The following PAK1 variants were observed in gnomAD, a reference collection of about 807,000 sequenced individuals.
The protein encoded by PAK1 is serine/threonine-protein kinase PAK 1.
PAK1 carries 29 observed loss-of-function variants against 67.4 expected under a neutral mutation model. That is an observed-to-expected ratio of 0.43 (90% CI 0.32 to 0.59). The LOEUF (loss-of-function observed/expected upper bound fraction) is 0.59, where lower values mean the gene tolerates loss of function less well. Among genes scored for constraint, PAK1 ranks in the 20% least tolerant of loss-of-function variants. PAK1 has a pLI of 0.07. For synonymous variants in PAK1, 223 were observed against 237.4 expected (o/e 0.94, Z 0.56); for missense variants, 337 against 670.7 (o/e 0.50, Z 5.50).
At chr11:77,336,324 T>C (rs1437140611) in intron 12 of PAK1, 42 bp from the exon 13 acceptor site, 2 of 1,465,384 alleles carry the variant, frequency 1.4e-6, no homozygotes, top group Non-Finnish European at 9.5e-7. Flanking sequence ...ATTTAGGATA[T>C]ACACTCACTT....
intron 12 of PAK1, among the ~76,000 whole-genome samples, chr11:77,336,974 C>T (rs984887045): frequency 2.6e-5 from 4 of 151,572 alleles, no homozygotes; most frequent in African/African-American, 4.9e-5. Flanking sequence ...TGCTGAATAA[C>T]TGAATGAAAG....
At chr11:77,469,057 C>A (rs141502782) in intron 1 of PAK1, among the ~76,000 whole-genome samples, 3 of 151,874 alleles carry the variant, frequency 2.0e-5, no homozygotes, top group African/African-American at 7.2e-5. Flanking sequence ...AATACACACA[C>A]AAAAAAAACA....
At chr11:77,440,243 G>A (rs970923724) in intron 1 of PAK1, among the ~76,000 whole-genome samples, 6 of 152,130 alleles carry the variant, frequency 3.9e-5, no homozygotes, top group Middle Eastern at 3.4e-3. Context: ...AAACATACGA[G>A]AACAAAAATA....
intron 1 of PAK1, among the ~76,000 whole-genome samples, chr11:77,430,740 G>T (rs1955821192): frequency 6.6e-6 from 1 of 152,206 alleles, no homozygotes; most frequent in South Asian, 2.1e-4. Flanking sequence ...GTTAAATGGG[G>T]ACAAATAATT....
chr11:77,377,306 T>C (rs927046281), intron 4 of PAK1, among the ~76,000 whole-genome samples: 66 of 152,190 alleles, frequency 4.3e-4, no homozygotes, highest in African/African-American at 1.4e-3. Context: ...AGTATTATCA[T>C]AACTAATAGT....
At chr11:77,458,315 T>C (rs1957170208) in intron 1 of PAK1, among the ~76,000 whole-genome samples, 1 of 152,224 alleles carries the variant, frequency 6.6e-6, no homozygotes. Flanking sequence ...TTTCAAAACA[T>C]ATCGATAAGA....
At chr11:77,528,129 C>A in the PAK1 span, among the ~76,000 whole-genome samples, 1 of 152,086 alleles carries the variant, frequency 6.6e-6, no homozygotes, top group African/African-American at 2.4e-5. Flanking sequence ...CCTATCCCCA[C>A]AAACACATTT....
chr11:77,489,412 T>C, the PAK1 span, among the ~76,000 whole-genome samples: 97 of 150,386 alleles, frequency 6.5e-4, 1 homozygote, highest in South Asian at 0.02. Context: ...TCCTCTCTCC[T>C]CTCTCCTCTC....
intron 1 of PAK1, among the ~76,000 whole-genome samples, chr11:77,435,118 C>CAAAAAAA (rs11452381): frequency 7.8e-6 from 1 of 128,660 alleles, no homozygotes; most frequent in African/African-American, 2.8e-5. Context: ...TGTGAATATA[C>CAAAAAAA]AAAAAAAAAA....
chr11:77,474,858 G>C (rs1958032813), upstream of PAK1: 1 of 152,082 alleles, frequency 6.6e-6, no homozygotes, highest in Non-Finnish European at 1.5e-5. Flanking sequence ...TACCTCCCGA[G>C]CAGCATTACC....
At chr11:77,382,539 C>G (rs1351394943) in intron 2 of PAK1, among the ~76,000 whole-genome samples, 1 of 152,176 alleles carries the variant, frequency 6.6e-6, no homozygotes, top group East Asian at 1.9e-4. Flanking sequence ...GTCTGCTACA[C>G]CACCAAGCAT....
chr11:77,479,979 A>T, the PAK1 span, among the ~76,000 whole-genome samples: 1 of 152,152 alleles, frequency 6.6e-6, no homozygotes, highest in South Asian at 2.1e-4. Context: ...TGCCTCCAGA[A>T]TTTCTATCAG....
chr11:77,441,216 AAT>A (rs1163179033), intron 1 of PAK1, among the ~76,000 whole-genome samples: 9 of 152,152 alleles, frequency 5.9e-5, no homozygotes, highest in African/African-American at 2.2e-4. Flanking sequence ...AAAAAAAAAA[AAT>A]CTAAAGGAAA....
At chr11:77,485,727 G>A in the PAK1 span, among the ~76,000 whole-genome samples, 3 of 152,144 alleles carry the variant, frequency 2.0e-5, no homozygotes, top group South Asian at 4.1e-4. Flanking sequence ...CACCCACCTT[G>A]GTCTCCCAAA....
At chr11:77,465,701 T>C (rs1021802634) in intron 1 of PAK1, among the ~76,000 whole-genome samples, 1 of 152,106 alleles carries the variant, frequency 6.6e-6, no homozygotes, top group Admixed American at 6.5e-5. Flanking sequence ...AAGTGGCTCA[T>C]GCCTGTAATT....
At chr11:77,408,450 T>C (rs759318601) in intron 1 of PAK1, among the ~76,000 whole-genome samples, 1 of 150,970 alleles carries the variant, frequency 6.6e-6, no homozygotes, top group South Asian at 2.1e-4. Context: ...CAGGCAATAA[T>C]AGATGCTGGC....
At chr11:77,414,737 T>G (rs1226286383) in intron 1 of PAK1, among the ~76,000 whole-genome samples, 1 of 152,176 alleles carries the variant, frequency 6.6e-6, no homozygotes, top group East Asian at 1.9e-4. Flanking sequence ...TCACAAAAAT[T>G]AACTCAAAAT....
intron 2 of PAK1, among the ~76,000 whole-genome samples, chr11:77,388,959 A>T (rs1048305091): frequency 7.9e-5 from 12 of 152,192 alleles, no homozygotes; most frequent in African/African-American, 2.9e-4. Flanking sequence ...TCACCCATGA[A>T]GTGTAAAATT....
At chr11:77,489,423 T>TC in the PAK1 span, among the ~76,000 whole-genome samples, 1 of 143,186 alleles carries the variant, frequency 7.0e-6, no homozygotes, top group Non-Finnish European at 1.6e-5. Context: ...CTCTCCTCTC[T>TC]CTCTCCCCTC....
Sources: gnomAD v4.1 joint callset for allele counts (sites outside exome capture counted in the v4.1 genomes callset) on GRCh38, gnomAD v4.1.1 for gene constraint, MANE v1.5 for transcripts, NCBI Gene and HGNC (gene_info 2026-07-23, HGNC 2026-07-21) for gene names.